The following USP34 variants were observed in gnomAD, a reference collection of about 807,000 sequenced individuals.
The protein encoded by USP34 is ubiquitin specific peptidase 34, also known as ubiquitin carboxyl-terminal hydrolase 34.
USP34 carries 70 observed loss-of-function variants against 460.3 expected under a neutral mutation model. That is an observed-to-expected ratio of 0.15 (90% CI 0.13 to 0.19). The LOEUF is 0.19. USP34 is among the 10% of genes least tolerant of loss of function. USP34 has a pLI of 1.00. For synonymous variants in USP34, 1,647 were observed against 1,405.3 expected, an observed-to-expected ratio of 1.17 and a Z score of -3.85; for missense variants, 3,985 against 4,236.2, an observed-to-expected ratio of 0.94 and a Z score of 1.65.
intron 10 of USP34, among the ~76,000 whole-genome samples, chr2:61,366,824 G>T (rs537437808): frequency 4.2e-4 from 64 of 152,296 alleles, no homozygotes; most frequent in African/African-American, 1.5e-3. Flanking sequence ...AACGCAGGAG[G>T]ATCGCTTGAG....
chr2:61,301,328 A>T (rs1213779687), intron 28 of USP34, 26 bp downstream of exon 28: 2 of 1,607,374 alleles, frequency 1.2e-6, no homozygotes, highest in Non-Finnish European at 1.7e-6. Context: ...GATCATTAAA[A>T]CTCAAACCAC....
rs200359321 is a variant in USP34 at position 61,353,302 on chromosome 2, C to CT, written c.1252-2610dup. The stretch of plus-strand genomic sequence containing the variant: ...GATTACTAGAGGTCTTAGAGTTGTA[C>CT]TTTTTTTTTGCGGAACAAAACAAAA... On this transcript the variant is annotated intron_variant, in intron 10 of 79. Coordinates refer to ENST00000398571, the MANE Select transcript of USP34 (RefSeq NM_014709.4). Among the ~76,000 whole-genome samples the CT allele has an allele frequency of 2.9e-3, 440 of 150,700 alleles. 1 individual carries two copies. Among genetic ancestry groups the CT allele is most frequent in the African/African-American group, 9.6e-3 (395 of 41,082 alleles).
At chr2:61,327,272 A>C (rs1426222646) in intron 20 of USP34, among the ~76,000 whole-genome samples, 1 of 152,228 alleles carries the variant, frequency 6.6e-6, no homozygotes, top group African/African-American at 2.4e-5. Flanking sequence ...GCTGGCAAAG[A>C]AAAGATTAAC....
chr2:61,469,251 C>A (rs1262617244), intron 1 of USP34, among the ~76,000 whole-genome samples: 3 of 152,098 alleles, frequency 2.0e-5, no homozygotes, highest in Non-Finnish European at 4.4e-5. Context: ...AAATTAAGTA[C>A]TTGTTCCTCA....
At chr2:61,202,197 T>TAG (rs1686995739) in intron 75 of USP34, among the ~76,000 whole-genome samples, 1 of 152,214 alleles carries the variant, frequency 6.6e-6, no homozygotes, top group Admixed American at 6.5e-5. Flanking sequence ...GGTCACATCT[T>TAG]CTGCCCTACC....
At chr2:61,220,286 T>C (rs1206751284) in intron 67 of USP34, 24 bp downstream of exon 67, 2 of 1,588,940 alleles carry the variant, frequency 1.3e-6, no homozygotes, top group East Asian at 4.5e-5. Context: ...AAATGGTTTA[T>C]GAAATTCTAA....
At chr2:61,205,567 A>T (rs1391867382) in intron 72 of USP34, among the ~76,000 whole-genome samples, 1 of 152,250 alleles carries the variant, frequency 6.6e-6, no homozygotes, top group Admixed American at 6.5e-5. Context: ...TAAAAGCCAC[A>T]AATTAGCATT....
At chr2:61,282,681 T>C (rs1311561047) in intron 37 of USP34, among the ~76,000 whole-genome samples, 2 of 152,114 alleles carry the variant, frequency 1.3e-5, no homozygotes, top group East Asian at 1.9e-4. Context: ...TCCCAGCTAC[T>C]TGGGAGGCTG....
chr2:61,302,288 G>A (rs962600950), intron 27 of USP34, among the ~76,000 whole-genome samples: 1 of 152,126 alleles, frequency 6.6e-6, no homozygotes, highest in African/African-American at 2.4e-5. Context: ...GTGGGGTAAG[G>A]CTATCGCTTT....
At chr2:61,306,520 T>C (rs1690409467) in intron 27 of USP34, among the ~76,000 whole-genome samples, 2 of 152,222 alleles carry the variant, frequency 1.3e-5, no homozygotes, top group African/African-American at 2.4e-5. Context: ...TCCAGCTTTG[T>C]TCTTTTGGCT....
At chr2:61,412,883 T>C (rs1200689971) in intron 2 of USP34, among the ~76,000 whole-genome samples, 3 of 93,236 alleles carry the variant, frequency 3.2e-5, no homozygotes, top group Non-Finnish European at 6.1e-5. Flanking sequence ...AGCAATCCCA[T>C]CTCAAAAAAA....
In USP34 at chr2:61,348,783, A is replaced by C. The variant is rs767637073; in HGVS notation, c.1647T>G (p.His549Gln). The change falls in exon 14 of 80, where the codon CAT becomes CAG. Residue 549 changes from histidine (H) to glutamine (Q), a missense_variant. Around this residue, in one of 14 missense-constraint regions of USP34, gnomAD observed 716 missense variants for 626.2 expected, o/e 1.14. Coordinates refer to ENST00000398571, the MANE Select transcript of USP34 (RefSeq NM_014709.4). ...MDEQLINRTK[H>Q]VQQRLSDTEE... ...CTGTGTCTGAAAGTCGTTGTTGCACATGTTTGGTTCTATTAATAAGTTGCT... is the reference window on the plus strand; with the variant it reads ...CTGTGTCTGAAAGTCGTTGTTGCACCTGTTTGGTTCTATTAATAAGTTGCT... 6.2e-7 allele frequency: 1 copy of C among 1,613,376 alleles called. No individual in the cohort carries two copies. Among genetic ancestry groups the C allele is most frequent in the South Asian group, 1.1e-5 (1 of 90,982 alleles).
intron 75 of USP34, among the ~76,000 whole-genome samples, chr2:61,196,372 G>T (rs555732833): frequency 2.0e-5 from 3 of 151,362 alleles, no homozygotes; most frequent in African/African-American, 7.3e-5. Flanking sequence ...TTACAGGCGT[G>T]AGCCACCGCG....
chr2:61,412,019 G>A (rs1425749312), intron 2 of USP34, among the ~76,000 whole-genome samples: 18 of 151,602 alleles, frequency 1.2e-4, no homozygotes, highest in African/African-American at 3.6e-4. Flanking sequence ...GAGAAACCCC[G>A]TCTCCACTAA....
intron 1 of USP34, among the ~76,000 whole-genome samples, chr2:61,426,383 T>A (rs1277799942): frequency 2.0e-5 from 3 of 151,856 alleles, no homozygotes; most frequent in African/African-American, 7.3e-5. Context: ...GAAGGGTGAG[T>A]CCCAGGTAAC....
chr2:61,330,443 T>G (rs1357030668), intron 20 of USP34, among the ~76,000 whole-genome samples: 1 of 152,184 alleles, frequency 6.6e-6, no homozygotes, highest in African/African-American at 2.4e-5. Flanking sequence ...AGTAACTGAT[T>G]TGTGCAGGGA....
intron 16 of USP34, among the ~76,000 whole-genome samples, chr2:61,342,421 C>A (rs1691633514): frequency 6.6e-6 from 1 of 151,376 alleles, no homozygotes; most frequent in African/African-American, 2.4e-5. Flanking sequence ...CTGCTTCAGC[C>A]TCCCAAGTAG....
intron 1 of USP34, among the ~76,000 whole-genome samples, chr2:61,470,132 G>A (rs1161977284): frequency 1.3e-5 from 2 of 152,218 alleles, no homozygotes; most frequent in Non-Finnish European, 2.9e-5. Flanking sequence ...TCTGGCTGAA[G>A]TGTTTAAGAC....
chr2:61,449,950 C>G (rs969578689), intron 1 of USP34, among the ~76,000 whole-genome samples: 5 of 152,162 alleles, frequency 3.3e-5, no homozygotes, highest in African/African-American at 7.2e-5. Context: ...CCTGTAGTCC[C>G]AGCTACTCGG....
Sources: allele counts gnomAD v4.1 joint callset (sites outside exome capture counted in the v4.1 genomes callset), GRCh38; gene constraint gnomAD v4.1.1; regional missense constraint gnomAD v4.1.1; transcripts MANE v1.5; gene names NCBI Gene and HGNC (gene_info 2026-07-23, HGNC 2026-07-21).